The following LRP1B variants were observed in gnomAD, a reference collection of about 807,000 sequenced individuals.
The protein encoded by LRP1B is low-density lipoprotein receptor-related protein 1B.
Under a neutral mutation model 556.6 loss-of-function variants are expected in LRP1B, and 217 were observed. The observed-to-expected ratio is 0.39, with a 90% CI of 0.35 to 0.44. LRP1B has a LOEUF of 0.44. Among genes scored for constraint, LRP1B ranks in the 20% least tolerant of loss-of-function variants. The pLI is 1.00. For synonymous variants in LRP1B, 2,047 were observed against 1,865.8 expected (o/e 1.10, Z -2.50); for missense variants, 5,053 against 5,620.8 (o/e 0.90, Z 3.23).
chr2:140,253,056 G>C (rs566511291), intron 86 of LRP1B, among the ~76,000 whole-genome samples: 3 of 152,120 alleles, frequency 2.0e-5, no homozygotes, highest in African/African-American at 7.2e-5. Context: ...TATGAGAATA[G>C]CTAGGTGTTA....
At chr2:142,035,300 G>A (rs1429187809) in intron 1 of LRP1B, among the ~76,000 whole-genome samples, 2 of 151,524 alleles carry the variant, frequency 1.3e-5, no homozygotes, top group Admixed American at 6.6e-5. Context: ...ACACTATGGC[G>A]ATACTCCAGC....
chr2:141,319,177 C>G lies in LRP1B; in HGVS notation c.344-64536G>C, dbSNP rs116228269. On this transcript the variant is annotated intron_variant, in intron 3 of 90. Coordinates refer to ENST00000389484, the MANE Select transcript of LRP1B (RefSeq NM_018557.3). ...TAAAGCAAACACATATTTGTAATATCGTCAACAAATACAGTTATTACTATT... is the reference window on the plus strand; with the variant it reads ...TAAAGCAAACACATATTTGTAATATGGTCAACAAATACAGTTATTACTATT... Among the ~76,000 whole-genome samples the G allele has an allele frequency of 9.4e-3, 1,434 of 151,948 alleles. 25 individuals are homozygous for G. Among genetic ancestry groups the G allele is most frequent in the African/African-American group, 0.03 (1,258 of 41,492 alleles).
At chr2:141,298,727 G>A (rs1573771722) in intron 3 of LRP1B, among the ~76,000 whole-genome samples, 1 of 152,012 alleles carries the variant, frequency 6.6e-6, no homozygotes, top group Non-Finnish European at 1.5e-5. Context: ...GGCCGAGGTG[G>A]GTGGATCACC....
intron 3 of LRP1B, among the ~76,000 whole-genome samples, chr2:141,363,429 G>GAA (rs140930512): frequency 0.062 from 9,501 of 152,098 alleles, 408 homozygotes; most frequent in African/African-American, 0.11. Flanking sequence ...ATGACACTTA[G>GAA]AACATTCTGT....
intron 20 of LRP1B, among the ~76,000 whole-genome samples, chr2:140,938,530 A>C (rs559691305): frequency 5.9e-4 from 90 of 152,178 alleles, no homozygotes; most frequent in African/African-American, 2.1e-3. Context: ...GGTAGCAGTT[A>C]CTGGGGGTTC....
chr2:140,256,702 T>C (rs1043271920), intron 86 of LRP1B, among the ~76,000 whole-genome samples: 3 of 151,360 alleles, frequency 2.0e-5, no homozygotes, highest in Non-Finnish European at 4.4e-5. Context: ...CTCTTGACCT[T>C]GTGATCCGCC....
intron 20 of LRP1B, among the ~76,000 whole-genome samples, chr2:140,936,030 C>A: frequency 6.7e-6 from 1 of 149,172 alleles, no homozygotes; most frequent in Non-Finnish European, 1.5e-5. Flanking sequence ...TGTGTAAATT[C>A]AAAGTGTCAA....
At chr2:141,382,878 A>G (rs1048770852) in intron 3 of LRP1B, among the ~76,000 whole-genome samples, 14 of 152,176 alleles carry the variant, frequency 9.2e-5, no homozygotes, top group African/African-American at 3.4e-4. Flanking sequence ...AAGTGGGACT[A>G]CCTGAAACTA....
chr2:141,019,831 A>G (rs1485632385), intron 12 of LRP1B, 91 bp downstream of exon 12: 1 of 972,172 alleles, frequency 1.0e-6, no homozygotes, highest in Non-Finnish European at 1.5e-6. Context: ...AGCTATACAT[A>G]TGGATTTAAA....
At chr2:141,752,943 C>CAAAAAAAAAAAAAAAAAA (rs1406424286) in intron 2 of LRP1B, among the ~76,000 whole-genome samples, 1 of 992 alleles carries the variant, frequency 1.0e-3, no homozygotes, top group Non-Finnish European at 2.6e-3. Flanking sequence ...GACCCTGTCT[C>CAAAAAAAAAAAAAAAAAA]AGAAAAAAAA....
At chr2:140,535,298 T>C (rs1416384811) in intron 46 of LRP1B, among the ~76,000 whole-genome samples, 1 of 152,194 alleles carries the variant, frequency 6.6e-6, no homozygotes, top group African/African-American at 2.4e-5. Context: ...CCTGTGACTT[T>C]ATTGCAATAC....
At chr2:140,358,296 CTG>C (rs1399808585) in intron 73 of LRP1B, among the ~76,000 whole-genome samples, 180 bp from the exon 74 acceptor site, 4 of 151,734 alleles carry the variant, frequency 2.6e-5, no homozygotes, top group East Asian at 1.9e-4. Flanking sequence ...AGAAAAGTAA[CTG>C]TGTGTTTACT....
intron 2 of LRP1B, among the ~76,000 whole-genome samples, chr2:141,755,239 G>A (rs878939297): frequency 6.6e-6 from 1 of 151,984 alleles, no homozygotes; most frequent in Admixed American, 6.6e-5. Flanking sequence ...TGATAAACAG[G>A]CAAAATATTA....
At chr2:140,626,096 A>G (rs139605033) in intron 41 of LRP1B, among the ~76,000 whole-genome samples, 128 of 152,324 alleles carry the variant, frequency 8.4e-4, no homozygotes, top group African/African-American at 3.0e-3. Context: ...ACTTAAATGC[A>G]TATTACTAAA....
intron 2 of LRP1B, among the ~76,000 whole-genome samples, chr2:141,584,298 CT>C (rs1687055401): frequency 6.6e-6 from 1 of 151,606 alleles, no homozygotes; most frequent in Admixed American, 6.6e-5. Context: ...TAGGAAAGAG[CT>C]GAGATGGAAT....
At chr2:140,341,788 T>C (rs894924625) in intron 77 of LRP1B, among the ~76,000 whole-genome samples, 4 of 151,290 alleles carry the variant, frequency 2.6e-5, no homozygotes, top group African/African-American at 9.7e-5. Context: ...TGTAAACCAA[T>C]GGTTTTTTAA....
chr2:140,561,120 G>A (rs1680913086), intron 43 of LRP1B, among the ~76,000 whole-genome samples: 1 of 152,118 alleles, frequency 6.6e-6, no homozygotes, highest in East Asian at 1.9e-4. Flanking sequence ...TCCCCAATGT[G>A]AGTGATAGAA....
At chr2:140,740,882 C>T (rs1688114008) in intron 35 of LRP1B, among the ~76,000 whole-genome samples, 1 of 151,946 alleles carries the variant, frequency 6.6e-6, no homozygotes, top group Admixed American at 6.6e-5. Context: ...CCCACATGAC[C>T]TCATTTTACC....
intron 37 of LRP1B, among the ~76,000 whole-genome samples, chr2:140,704,369 A>T (rs1341567752): frequency 1.3e-5 from 2 of 152,134 alleles, no homozygotes; most frequent in Admixed American, 1.3e-4. Context: ...TAAACATTGT[A>T]GAGTTTTACA....
Sources: gnomAD v4.1 joint callset for allele counts (sites outside exome capture counted in the v4.1 genomes callset) on GRCh38, gnomAD v4.1.1 for gene constraint, MANE v1.5 for transcripts, NCBI Gene and HGNC (gene_info 2026-07-23, HGNC 2026-07-21) for gene names.